SMPD3: variants seen among roughly 807,000 people sequenced by gnomAD.
SMPD3 encodes nSMase-2.
SMPD3 carries 21 observed loss-of-function variants against 55.7 expected under a neutral mutation model. That is an observed-to-expected ratio of 0.38 (90% CI 0.27 to 0.54). The LOEUF (loss-of-function observed/expected upper bound fraction) is 0.54, where lower values mean the gene tolerates loss of function less well. Among genes scored for constraint, SMPD3 ranks in the 20% least tolerant of loss-of-function variants. The pLI is 0.80. For synonymous variants in SMPD3, 457 were observed against 404.3 expected, an observed-to-expected ratio of 1.13 and a Z score of -1.56; for missense variants, 842 against 899.6, an observed-to-expected ratio of 0.94 and a Z score of 0.82.
intron 1 of SMPD3, among the ~76,000 whole-genome samples, chr16:68,439,801 G>A (rs1328439163): frequency 1.3e-5 from 2 of 152,234 alleles, no homozygotes; most frequent in East Asian, 3.8e-4. Context: ...GCTATGCAGT[G>A]AATGGACCCA....
At chr16:68,383,046 C>A (rs1489460732) in intron 2 of SMPD3, among the ~76,000 whole-genome samples, 1 of 152,170 alleles carries the variant, frequency 6.6e-6, no homozygotes, top group Non-Finnish European at 1.5e-5. Flanking sequence ...ACCATGTTGG[C>A]CAGGCTGGTC....
In SMPD3 at chr16:68,396,258, C is replaced by T. The variant is rs143846607; in HGVS notation, c.-268-9599G>A. On this transcript the variant is annotated intron_variant, in intron 1 of 8. Transcript: ENST00000219334. ...CAGCAGCAGCTCTGAGCTCATTCTG[C>T]CCTTGTCCAGCATCTCCAGATCTCC... 4.9e-3 allele frequency among the ~76,000 whole-genome samples: 741 copies of T among 152,252 alleles called. 5 individuals are homozygous for T. Among genetic ancestry groups the T allele is most frequent in the African/African-American group, 0.011 (464 of 41,536 alleles).
intron 1 of SMPD3, among the ~76,000 whole-genome samples, chr16:68,429,555 G>T (rs145621746): frequency 0.024 from 3,718 of 152,286 alleles, 63 homozygotes; most frequent in Middle Eastern, 0.058. Context: ...AGGAGCTTGG[G>T]GTGCATGCAG....
chr16:68,385,583 C>T (rs79550555), intron 2 of SMPD3, among the ~76,000 whole-genome samples: 2,095 of 152,212 alleles, frequency 0.014, 65 homozygotes, highest in African/African-American at 0.047. Flanking sequence ...ACCTTGGATC[C>T]CCAAATCTCC....
chr16:68,417,805 G>C (rs1477203013), intron 1 of SMPD3, among the ~76,000 whole-genome samples: 1 of 152,202 alleles, frequency 6.6e-6, no homozygotes, highest in Admixed American at 6.5e-5. Flanking sequence ...TGCGTGGAAT[G>C]AAGTAGGGTA....
chr16:68,366,974 C>T (rs547911701), intron 3 of SMPD3, among the ~76,000 whole-genome samples: 25 of 150,916 alleles, frequency 1.7e-4, no homozygotes, highest in Admixed American at 1.5e-3. Context: ...TGCCACTGCA[C>T]TCCAGCCTAG....
At chr16:68,387,448 CCA>C (rs2090067581) in intron 1 of SMPD3, among the ~76,000 whole-genome samples, 1 of 152,118 alleles carries the variant, frequency 6.6e-6, no homozygotes, top group Non-Finnish European at 1.5e-5. Flanking sequence ...GGCCCCAGTC[CCA>C]GTTTGTAGTC....
At chr16:68,369,894 G>A (rs940300249) in intron 3 of SMPD3, 4 of 152,266 alleles carry the variant, frequency 2.6e-5, no homozygotes, top group Admixed American at 6.5e-5. Flanking sequence ...GCTTCTGAAG[G>A]CGAACTGGGA....
At chr16:68,400,283 T>C (rs2090194689) in intron 1 of SMPD3, among the ~76,000 whole-genome samples, 1 of 152,200 alleles carries the variant, frequency 6.6e-6, no homozygotes, top group South Asian at 2.1e-4. Context: ...GGTTTCTTGT[T>C]GAGTCCAGCC....
chr16:68,417,012 C>T (rs2090345068), intron 1 of SMPD3, among the ~76,000 whole-genome samples: 1 of 152,180 alleles, frequency 6.6e-6, no homozygotes, highest in Non-Finnish European at 1.5e-5. Context: ...TAGACCCTGT[C>T]TTCAGGGCTG....
chr16:68,428,573 G>A (rs952382256), intron 1 of SMPD3, among the ~76,000 whole-genome samples: 1 of 152,190 alleles, frequency 6.6e-6, no homozygotes, highest in Non-Finnish European at 1.5e-5. Flanking sequence ...ACTTCAAAAC[G>A]TAAGAGGTAA....
intron 1 of SMPD3, among the ~76,000 whole-genome samples, chr16:68,387,080 G>C (rs1335899920): frequency 6.6e-6 from 1 of 152,216 alleles, no homozygotes; most frequent in East Asian, 1.9e-4. Context: ...AGAACAATCA[G>C]AGCTTTGGGA....
chr16:68,372,535 GC>G, intron 2 of SMPD3, 148 bp from the exon 3 acceptor site: 1 of 392,326 alleles, frequency 2.5e-6, no homozygotes, highest in South Asian at 2.7e-5. Context: ...GGCAGGCTCA[GC>G]AGGTGGCTGG....
chr16:68,434,179 A>G (rs900175544), intron 1 of SMPD3, among the ~76,000 whole-genome samples: 1 of 152,046 alleles, frequency 6.6e-6, no homozygotes, highest in African/African-American at 2.4e-5. Context: ...TTTTAATTAA[A>G]TTTTCATTAT....
intron 1 of SMPD3, among the ~76,000 whole-genome samples, chr16:68,410,847 G>A (rs1382084297): frequency 1.3e-5 from 2 of 152,258 alleles, no homozygotes; most frequent in Non-Finnish European, 2.9e-5. Flanking sequence ...AACACCTGCA[G>A]CATCGAGGCA....
intron 1 of SMPD3, among the ~76,000 whole-genome samples, chr16:68,431,558 A>C (rs1387922713): frequency 1.3e-5 from 2 of 152,188 alleles, no homozygotes; most frequent in Non-Finnish European, 2.9e-5. Flanking sequence ...ACTGTTTGAC[A>C]TGAGAATACT....
At chr16:68,361,935 C>T (rs537740091) in intron 7 of SMPD3, among the ~76,000 whole-genome samples, 176 bp from the exon 8 acceptor site, 13 of 152,272 alleles carry the variant, frequency 8.5e-5, no homozygotes, top group African/African-American at 2.4e-4. Flanking sequence ...GGGGGTAGGC[C>T]GAGTTGCCTG....
chr16:68,421,552 C>T (rs2090394461), intron 1 of SMPD3, among the ~76,000 whole-genome samples: 2 of 152,168 alleles, frequency 1.3e-5, no homozygotes, highest in South Asian at 4.1e-4. Context: ...TTGTGCAAAC[C>T]ACTCCCCCAG....
chr16:68,402,268 A>G (rs2090215178), intron 1 of SMPD3, among the ~76,000 whole-genome samples: 2 of 152,260 alleles, frequency 1.3e-5, no homozygotes, highest in Middle Eastern at 3.4e-3. Flanking sequence ...TCTCCTCTAT[A>G]AAATGGGGAA....
Sources: gnomAD v4.1 joint callset for allele counts (sites outside exome capture counted in the v4.1 genomes callset) on GRCh38, gnomAD v4.1.1 for gene constraint, MANE v1.5 for transcripts, NCBI Gene and HGNC (gene_info 2026-07-23, HGNC 2026-07-21) for gene names.